Variants in CADPS2 observed in about 807,000 individuals in gnomAD.
CADPS2 encodes the protein calcium-dependent secretion activator 2.
In CADPS2, 93 loss-of-function variants were observed where a neutral mutation model predicts 172.5. That is an observed-to-expected ratio of 0.54 (90% CI 0.46 to 0.64). The LOEUF is 0.64. CADPS2 is among the 30% of genes least tolerant of loss of function. CADPS2 has a pLI of 0.00. For missense variants in CADPS2, 1,420 were observed against 1,565.9 expected (o/e 0.91, Z 1.57); for synonymous variants, 546 against 555.2 (o/e 0.98, Z 0.23).
intron 6 of CADPS2, among the ~76,000 whole-genome samples, chr7:122,597,696 C>G (rs1249686997): frequency 6.6e-6 from 1 of 152,040 alleles, no homozygotes; most frequent in Non-Finnish European, 1.5e-5. Context: ...TCAAATGCTG[C>G]TTAGAGGTTA....
At chr7:122,577,155 T>C (rs2068158559) in intron 7 of CADPS2, among the ~76,000 whole-genome samples, 2 of 152,100 alleles carry the variant, frequency 1.3e-5, no homozygotes, top group South Asian at 4.1e-4. Context: ...ACCATGACTG[T>C]AAGTTTCCTG....
intron 7 of CADPS2, among the ~76,000 whole-genome samples, chr7:122,560,452 T>C (rs2065610765): frequency 6.6e-6 from 1 of 152,152 alleles, no homozygotes; most frequent in African/African-American, 2.4e-5. Flanking sequence ...ATAATTCCCC[T>C]CTCTCTAGCT....
At chr7:122,327,373 G>A (rs1374180112) in intron 28 of CADPS2, among the ~76,000 whole-genome samples, 1 of 152,036 alleles carries the variant, frequency 6.6e-6, no homozygotes, top group Non-Finnish European at 1.5e-5. Flanking sequence ...ATTTGAAAGT[G>A]AAAATATTGT....
At chr7:122,863,841 C>A (rs529139307) in intron 1 of CADPS2, among the ~76,000 whole-genome samples, 1 of 152,108 alleles carries the variant, frequency 6.6e-6, no homozygotes, top group Non-Finnish European at 1.5e-5. Context: ...AACAGCCTGG[C>A]CAACATGGCA....
At chr7:122,690,547 C>T (rs2084207453) in intron 2 of CADPS2, among the ~76,000 whole-genome samples, 1 of 152,154 alleles carries the variant, frequency 6.6e-6, no homozygotes, top group Non-Finnish European at 1.5e-5. Context: ...TGGCTGACAC[C>T]AGGTTTTGTC....
At chr7:122,653,466 C>T (rs75144980) in intron 3 of CADPS2, among the ~76,000 whole-genome samples, 2 of 152,206 alleles carry the variant, frequency 1.3e-5, no homozygotes, top group East Asian at 3.9e-4. Context: ...CTATAAAGAA[C>T]AGGCTAGTTT....
At chr7:122,391,772 G>C (rs1260238991) in intron 22 of CADPS2, among the ~76,000 whole-genome samples, 1 of 152,100 alleles carries the variant, frequency 6.6e-6, no homozygotes, top group Non-Finnish European at 1.5e-5. Flanking sequence ...TTGATTGTGT[G>C]CATACCTGAC....
chr7:122,630,196 A>C (rs1254425831), intron 3 of CADPS2, among the ~76,000 whole-genome samples: 1 of 152,178 alleles, frequency 6.6e-6, no homozygotes, highest in Non-Finnish European at 1.5e-5. Context: ...CCATCTAAAG[A>C]TTCGATTGAG....
At chr7:122,871,475 A>C (rs1477217610) in intron 1 of CADPS2, among the ~76,000 whole-genome samples, 1 of 151,920 alleles carries the variant, frequency 6.6e-6, no homozygotes, top group African/African-American at 2.4e-5. Flanking sequence ...CCCCCCACAA[A>C]AAAAAAACAG....
At chr7:122,546,942 A>G (rs1272276320) in intron 8 of CADPS2, among the ~76,000 whole-genome samples, 4 of 152,230 alleles carry the variant, frequency 2.6e-5, no homozygotes, top group African/African-American at 9.6e-5. Context: ...TACACCAAAT[A>G]GAATTGACAG....
intron 6 of CADPS2, among the ~76,000 whole-genome samples, chr7:122,613,509 C>G (rs2074532960): frequency 6.6e-6 from 1 of 152,036 alleles, no homozygotes; most frequent in South Asian, 2.1e-4. Flanking sequence ...AACAAAATCA[C>G]CTAATGACAC....
chr7:122,679,264 C>CTGTGGG (rs1554715342), intron 2 of CADPS2, among the ~76,000 whole-genome samples: 1 of 14,734 alleles, frequency 6.8e-5, no homozygotes, highest in East Asian at 7.5e-3. Flanking sequence ...GAATGCATTC[C>CTGTGGG]TGGGGGGGGG....
intron 1 of CADPS2, among the ~76,000 whole-genome samples, chr7:122,824,547 ACTGT>A (rs1415637576): frequency 4.6e-5 from 7 of 152,208 alleles, no homozygotes; most frequent in Admixed American, 2.6e-4. Flanking sequence ...TTTTCTTTTA[ACTGT>A]CTGTTCATAT....
intron 27 of CADPS2, among the ~76,000 whole-genome samples, chr7:122,350,177 C>A (rs1037969159): frequency 2.0e-5 from 3 of 152,032 alleles, no homozygotes; most frequent in Non-Finnish European, 2.9e-5. Context: ...TCTGGCCATT[C>A]ATTACCATTT....
chr7:122,554,192 T>A (rs1433716218), intron 8 of CADPS2, among the ~76,000 whole-genome samples: 2 of 151,596 alleles, frequency 1.3e-5, no homozygotes, highest in African/African-American at 2.4e-5. Context: ...GTTTAACTAT[T>A]TCTAGGAACC....
At chr7:122,498,181 C>G (rs972168006) in intron 9 of CADPS2, among the ~76,000 whole-genome samples, 2 of 152,182 alleles carry the variant, frequency 1.3e-5, no homozygotes, top group African/African-American at 4.8e-5. Flanking sequence ...CTCCTGACCT[C>G]AAGTGATCTG....
chr7:122,601,240 G>T (rs558674964), intron 6 of CADPS2, among the ~76,000 whole-genome samples: 8 of 151,862 alleles, frequency 5.3e-5, no homozygotes, highest in Non-Finnish European at 8.8e-5. Flanking sequence ...ATGAGAATTT[G>T]CCAAATTCAG....
chr7:122,360,685 G>A, intron 27 of CADPS2, 103 bp downstream of exon 27: 1 of 1,000,380 alleles, frequency 1.0e-6, no homozygotes, highest in East Asian at 2.6e-5. Context: ...TACTCCCTAA[G>A]GGAATGGCAC....
chr7:122,753,832 T>C (rs188517555), intron 1 of CADPS2, among the ~76,000 whole-genome samples: 4 of 152,280 alleles, frequency 2.6e-5, no homozygotes, highest in Admixed American at 2.6e-4. Flanking sequence ...CACTGGGGTG[T>C]TGCATATTTC....
Sources: gnomAD v4.1 joint callset for allele counts (sites outside exome capture counted in the v4.1 genomes callset) on GRCh38, gnomAD v4.1.1 for gene constraint, MANE v1.5 for transcripts, NCBI Gene and HGNC (gene_info 2026-07-23, HGNC 2026-07-21) for gene names.